YES1: variants seen among roughly 807,000 people sequenced by gnomAD.
The protein encoded by YES1 is YES proto-oncogene 1, Src family tyrosine kinase.
Under a neutral mutation model 70.4 loss-of-function variants are expected in YES1, and 39 were observed. The observed-to-expected ratio is 0.55, with a 90% CI of 0.43 to 0.72. YES1 has a LOEUF of 0.72. Ranked by LOEUF, YES1 falls within the 30% of genes least tolerant of loss-of-function variation. YES1 has a pLI of 0.00. For synonymous variants in YES1, 198 were observed against 218.6 expected, an observed-to-expected ratio of 0.91 and a Z score of 0.83; for missense variants, 495 against 644.8, an observed-to-expected ratio of 0.77 and a Z score of 2.52.
In YES1 at chr18:743,167, T is replaced by G. The variant is rs1024484217; in HGVS notation, c.881-70A>C. The G allele has an allele frequency of 1.9e-6, 3 of 1,549,534 alleles. No individual in the cohort carries two copies. The African/African-American group carries it at 4.1e-5, about 21-fold the overall frequency. ...TAGACCAAACTTCAGTGAACAGCAC[T>G]TCTCTTAAATATTGAAACATATTTT... On this transcript the variant is annotated intron_variant, in intron 7 of 11. Coordinates refer to ENST00000314574, the MANE Select transcript of YES1 (RefSeq NM_005433.4).
At chr18:769,325 ACT>A (rs2145774101) in intron 1 of YES1, among the ~76,000 whole-genome samples, 1 of 152,290 alleles carries the variant, frequency 6.6e-6, no homozygotes, top group Admixed American at 6.5e-5. Flanking sequence ...GATTTCTAGT[ACT>A]TTTATAGGTT....
At chr18:751,617 T>A (rs1734634660) in intron 3 of YES1, 88 bp downstream of exon 3, 16 of 894,202 alleles carry the variant, frequency 1.8e-5, no homozygotes, top group Non-Finnish European at 2.9e-5. Flanking sequence ...ACCTCTCTCA[T>A]CTCTGGATCA....
At chr18:758,450 T>C (rs1904404255) in intron 1 of YES1, among the ~76,000 whole-genome samples, 1 of 152,192 alleles carries the variant, frequency 6.6e-6, no homozygotes, top group Admixed American at 6.5e-5. Context: ...ACTGTCCTCA[T>C]ACTTACGCTC....
chr18:756,680 T>C lies in YES1; in HGVS notation c.148A>G (p.Thr50Ala), dbSNP rs1476046695. 2.5e-6 allele frequency: 4 copies of C among 1,614,090 alleles called. No individual in the cohort carries two copies. The East Asian group carries it at 6.7e-5, about 27-fold the overall frequency. Reference protein sequence around the residue: ...SPCPSSSAKGTAVNFSSLSMT... With the variant: ...SPCPSSSAKGAAVNFSSLSMT... ...GAAAGACTGCTGAAATTAACTGCTG[T>C]TCCCTTTGCTGAAGATGACGGACAT... is the stretch of plus-strand genomic sequence containing the variant. The change falls in exon 2 of 12, where the codon ACA becomes GCA. Residue 50 changes from threonine to alanine, a missense_variant. Coordinates refer to ENST00000314574, the MANE Select transcript of YES1 (RefSeq NM_005433.4).
intron 3 of YES1, among the ~76,000 whole-genome samples, chr18:748,285 C>G (rs2080303553): frequency 6.6e-6 from 1 of 151,854 alleles, no homozygotes; most frequent in South Asian, 2.1e-4. Flanking sequence ...TAACACAATT[C>G]TTTCAACCTA....
chr18:784,186 GATGA>G (rs1244919948), intron 1 of YES1, among the ~76,000 whole-genome samples: 1 of 152,110 alleles, frequency 6.6e-6, no homozygotes, highest in Non-Finnish European at 1.5e-5. Context: ...GAAGAATTAA[GATGA>G]ATAATTATTG....
At chr18:796,729 C>G (rs1906564387) in intron 1 of YES1, among the ~76,000 whole-genome samples, 1 of 152,024 alleles carries the variant, frequency 6.6e-6, no homozygotes. Context: ...CTGCACTGGC[C>G]TGGGTGACAG....
At chr18:792,310 C>G (rs1906292008) in intron 1 of YES1, among the ~76,000 whole-genome samples, 1 of 151,756 alleles carries the variant, frequency 6.6e-6, no homozygotes, top group Non-Finnish European at 1.5e-5. Flanking sequence ...TCTCGAAAAA[C>G]AAACAAACAA....
At chr18:729,551 C>T (rs1443545748) in intron 11 of YES1, among the ~76,000 whole-genome samples, 2 of 148,656 alleles carry the variant, frequency 1.3e-5, no homozygotes, top group Non-Finnish European at 3.0e-5. Context: ...CCATATATTG[C>T]TATTTTGAAG....
intron 1 of YES1, among the ~76,000 whole-genome samples, chr18:757,248 A>C (rs964319192): frequency 9.2e-5 from 14 of 152,222 alleles, no homozygotes; most frequent in East Asian, 3.8e-4. Context: ...TCACGCCTGT[A>C]ATCCCAGCAC....
intron 1 of YES1, among the ~76,000 whole-genome samples, chr18:795,792 A>C (rs1378257431): frequency 6.6e-6 from 1 of 151,924 alleles, no homozygotes; most frequent in Non-Finnish European, 1.5e-5. Flanking sequence ...ATTAGGAGAA[A>C]TACCTAATGC....
At chr18:787,508 G>A (rs1295544419) in intron 1 of YES1, among the ~76,000 whole-genome samples, 10 of 151,998 alleles carry the variant, frequency 6.6e-5, no homozygotes, top group South Asian at 2.1e-4. Context: ...TCAGGAGTTC[G>A]AGACCAACCT....
At chr18:738,344 C>G (rs971244313) in intron 9 of YES1, 7 of 152,022 alleles carry the variant, frequency 4.6e-5, no homozygotes, top group African/African-American at 1.7e-4. Context: ...GTAAAAAAGT[C>G]CCATTTTAAA....
chr18:757,435 G>A lies in YES1; in HGVS notation c.-8-600C>T, dbSNP rs546768087. 1.7e-4 allele frequency among the ~76,000 whole-genome samples: 25 copies of A among 150,616 alleles called. 1 individual carries two copies. Among genetic ancestry groups the A allele is most frequent in the South Asian group, 1.1e-3 (5 of 4,760 alleles). On this transcript the variant is annotated intron_variant, in intron 1 of 11. Coordinates refer to ENST00000314574, the MANE Select transcript of YES1 (RefSeq NM_005433.4). ...GGAGAATGGCGTGAACCCGGGAGGC[G>A]GAGCTTGCAGTGAGCAGAGATCGCG...
rs368195770 is a variant in YES1 at position 773,767 on chromosome 18, GCTGA to G, written c.-8-16936_-8-16933del. Among the ~76,000 whole-genome samples, 716 of 151,954 alleles carry G rather than the reference GCTGA, an allele frequency of 4.7e-3. 6 individuals carry two copies. The highest frequency in any genetic ancestry group is 0.016 in the African/African-American group (676 of 41,452). On this transcript the variant is annotated intron_variant, in intron 1 of 11. Transcript: ENST00000314574. ...CACTTAAAATACAATCTGATCCAATGCTGACTAATAAAAGAAAAAAATAAGAAAA... is the reference window on the plus strand; with the variant it reads ...CACTTAAAATACAATCTGATCCAATGCTAATAAAAGAAAAAAATAAGAAAA...
chr18:752,937 T>C lies in YES1; in HGVS notation c.272-1133A>G, dbSNP rs569437728. On this transcript the variant is annotated intron_variant, in intron 2 of 11. Coordinates refer to ENST00000314574, the MANE Select transcript of YES1 (RefSeq NM_005433.4). ...TAGCCTGGGTGACACAGCAAGACTC[T>C]GTATCAAAAAAATAAATAAAATAAA... Among the ~76,000 whole-genome samples the C allele has an allele frequency of 1.2e-4, 18 of 152,166 alleles. 1 individual carries two copies. Among genetic ancestry groups the C allele is most frequent in the South Asian group, 1.0e-3 (5 of 4,816 alleles).
chr18:800,965 G>A (rs1056278358), intron 1 of YES1, among the ~76,000 whole-genome samples: 8 of 152,112 alleles, frequency 5.3e-5, no homozygotes, highest in African/African-American at 1.9e-4. Flanking sequence ...GGCCAACTTG[G>A]TGAAACTCCG....
At chr18:757,314 T>C (rs1039117172) in intron 1 of YES1, among the ~76,000 whole-genome samples, 22 of 151,268 alleles carry the variant, frequency 1.5e-4, no homozygotes, top group Admixed American at 7.9e-4. Flanking sequence ...CCATCCTGGC[T>C]AACACGGTGA....
At chr18:788,570 T>C (rs1906081944) in intron 1 of YES1, among the ~76,000 whole-genome samples, 1 of 152,234 alleles carries the variant, frequency 6.6e-6, no homozygotes, top group South Asian at 2.1e-4. Context: ...AAAACTATTT[T>C]AGAATGCAAC....
Sources: gnomAD v4.1 joint callset for allele counts (sites outside exome capture counted in the v4.1 genomes callset) on GRCh38, gnomAD v4.1.1 for gene constraint, MANE v1.5 for transcripts, NCBI Gene and HGNC (gene_info 2026-07-23, HGNC 2026-07-21) for gene names.